Variants in INTS10 observed in about 807,000 individuals in gnomAD.
INTS10 encodes integrator complex subunit 10.
INTS10 carries 44 observed loss-of-function variants against 94.4 expected under a neutral mutation model. The observed-to-expected ratio is 0.47, with a 90% CI of 0.37 to 0.60. The LOEUF is 0.60. INTS10 is among the 20% of genes least tolerant of loss of function. The probability of loss-of-function intolerance (pLI) is 0.00; values close to 1 mark genes in which losing one functional copy is unlikely to be tolerated. For synonymous variants in INTS10, 341 were observed against 320.7 expected (o/e 1.06, Z -0.68); for missense variants, 797 against 868.7 (o/e 0.92, Z 1.04).
intron 12 of INTS10, 67 bp downstream of exon 12, chr8:19,833,388 A>C: frequency 7.8e-7 from 1 of 1,275,338 alleles, no homozygotes; most frequent in Non-Finnish European, 1.0e-6. Flanking sequence ...TCCTTTCCCT[A>C]GCGTGGCTTT....
intron 13 of INTS10, among the ~76,000 whole-genome samples, chr8:19,842,646 T>C (rs2128803626): frequency 6.6e-6 from 1 of 152,354 alleles, no homozygotes; most frequent in Non-Finnish European, 1.5e-5. Context: ...GAAAGAATAT[T>C]GATAAATGAA....
At chr8:19,829,866 C>A (rs1018954382) in intron 9 of INTS10, among the ~76,000 whole-genome samples, 1 of 152,060 alleles carries the variant, frequency 6.6e-6, no homozygotes, top group South Asian at 2.1e-4. Flanking sequence ...CTGGGTTTCG[C>A]CATGTTGGCC....
At chr8:19,836,585 C>G (rs1472664761) in intron 12 of INTS10, among the ~76,000 whole-genome samples, 1 of 152,190 alleles carries the variant, frequency 6.6e-6, no homozygotes, top group Non-Finnish European at 1.5e-5. Flanking sequence ...GTCAAGATAA[C>G]CTTCCTGCCT....
rs2068597023 is a variant in INTS10 at position 19,846,449 on chromosome 8, C to CA, written c.1976+655dup. The stretch of plus-strand genomic sequence containing the variant: ...ACTCCATCTCAAAAAAAAAAACAAA[C>CA]AAACAAAACAGCTGTGCTTAATTAA... On this transcript the variant is annotated intron_variant, in intron 16 of 16. Coordinates refer to ENST00000397977, the MANE Select transcript of INTS10 (RefSeq NM_018142.4). The surrounding 1 kb of genome is among the most constrained non-coding windows in gnomAD (Gnocchi z 4.2). Among the ~76,000 whole-genome samples, 1 of 150,592 alleles carries CA rather than the reference C, an allele frequency of 6.6e-6. No individual in the cohort carries two copies. Among genetic ancestry groups the CA allele is most frequent in the African/African-American group, 2.5e-5 (1 of 40,656 alleles).
chr8:19,841,704 A>G (rs915313858), intron 13 of INTS10: 3 of 414,176 alleles, frequency 7.2e-6, no homozygotes, highest in African/African-American at 2.1e-5. Flanking sequence ...TCATGCAACC[A>G]TTCTGGAAAC....
chr8:19,847,469 T>G (rs1296232428), intron 16 of INTS10, among the ~76,000 whole-genome samples: 1 of 152,204 alleles, frequency 6.6e-6, no homozygotes, highest in Non-Finnish European at 1.5e-5. Flanking sequence ...TTTTCTAGAC[T>G]TTGAAACTGG....
chr8:19,819,877 G>C (rs1464260264), intron 3 of INTS10, among the ~76,000 whole-genome samples: 3 of 152,224 alleles, frequency 2.0e-5, no homozygotes, highest in Non-Finnish European at 2.9e-5. Context: ...GGATTTATCA[G>C]TGAGACGAGG....
intron 11 of INTS10, among the ~76,000 whole-genome samples, chr8:19,832,920 C>T (rs886579203): frequency 2.0e-5 from 3 of 152,236 alleles, no homozygotes; most frequent in South Asian, 4.2e-4. Flanking sequence ...TCTTTAGTCT[C>T]GAGACCTAAG....
chr8:19,828,739 T>C (rs889511131), intron 9 of INTS10, among the ~76,000 whole-genome samples: 23 of 146,500 alleles, frequency 1.6e-4, no homozygotes, highest in South Asian at 8.7e-4. Flanking sequence ...TTTTTTTTGG[T>C]GGAGACAAGG....
chr8:19,845,992 G>A, intron 16 of INTS10, 195 bp downstream of exon 16: 1 of 465,616 alleles, frequency 2.1e-6, no homozygotes, highest in Non-Finnish European at 3.9e-6. Context: ...AAAACACTTT[G>A]CTTAAATTGG....
intron 12 of INTS10, among the ~76,000 whole-genome samples, chr8:19,835,728 T>A (rs1332884857): frequency 6.6e-6 from 1 of 152,194 alleles, no homozygotes; most frequent in Non-Finnish European, 1.5e-5. Flanking sequence ...AAACTAGAGC[T>A]TCACAACCCT....
intron 1 of INTS10, 112 bp from the exon 2 acceptor site, chr8:19,818,163 A>G: frequency 1.0e-6 from 1 of 997,790 alleles, no homozygotes; most frequent in Non-Finnish European, 1.6e-6. Flanking sequence ...CACCAGGCGG[A>G]GCTTCACTCT....
Position 19,817,657 on chromosome 8 carries a change from T to C in INTS10, c.120T>C (p.Phe40=). The C allele has an allele frequency of 1.2e-6, 2 of 1,607,032 alleles. No individual in the cohort carries two copies. Among genetic ancestry groups the C allele is most frequent in the Non-Finnish European group, 1.7e-6 (2 of 1,177,480 alleles). Residue 40 remains phenylalanine, a synonymous_variant, in exon 1 of 17, where the codon TTT becomes TTC. Coordinates refer to ENST00000397977, the MANE Select transcript of INTS10 (RefSeq NM_018142.4). ...CCCGCAGCCTCTACCCGGCAGACTT[T>C]AACATCCAGGTGAGGTCCCGGCTGT... The part of the protein sequence containing the change: ...ITARSLYPAD[F]NIQYEMYTIE...
rs1209989141 is a variant in INTS10 at position 19,820,448 on chromosome 8, A to G, written c.371A>G (p.Asn124Ser). 3.1e-6 allele frequency: 5 copies of G among 1,613,512 alleles called. No homozygotes were observed. The highest frequency in any genetic ancestry group is 1.3e-5 in the African/African-American group (1 of 74,934). Residue 124 changes from asparagine (N) to serine (S), a missense_variant, in exon 4 of 17, where the codon AAC becomes AGC. This residue lies in a region of INTS10 where 734 missense variants were observed against 787.8 expected (regional missense o/e 0.93). Transcript: ENST00000397977. ...MLLKVTEQCF[N>S]TLERSEMLLL... The stretch of plus-strand genomic sequence containing the variant: ...CTAAAGGTCACGGAACAATGCTTCA[A>G]CACGTTAGAACGATCAGAAATGTTG...
chr8:19,829,460 C>T (rs750328082), intron 9 of INTS10, among the ~76,000 whole-genome samples: 2 of 151,492 alleles, frequency 1.3e-5, no homozygotes, highest in Non-Finnish European at 2.9e-5. Flanking sequence ...CTTTATATTA[C>T]TTGAGATGAA....
Position 19,820,423 on chromosome 8 carries a change from C to G in INTS10, c.346C>G (p.Leu116Val). The G allele has an allele frequency of 3.1e-6, 5 of 1,613,390 alleles. No homozygotes were observed. Among genetic ancestry groups the G allele is most frequent in the Non-Finnish European group, 4.2e-6 (5 of 1,179,386 alleles). ...LPGRVQCEML[L>V]KVTEQCFNTL... ...TGGTCGGGTCCAGTGTGAAATGTTA[C>G]TAAAGGTCACGGAACAATGCTTCAA... is the stretch of plus-strand genomic sequence containing the variant. The change falls in exon 4 of 17, where the codon CTA (leucine) becomes GTA (valine). Residue 116 changes from leucine (L) to valine (V), a missense_variant. Transcript: ENST00000397977.
intron 7 of INTS10, 78 bp from the exon 8 acceptor site, chr8:19,824,725 C>T: frequency 1.1e-6 from 1 of 935,082 alleles, no homozygotes; most frequent in African/African-American, 1.7e-5. Flanking sequence ...TGTAATGGTA[C>T]CACCAGAGCT....
chr8:19,823,549 G>A (rs559155154), intron 6 of INTS10, 108 bp downstream of exon 6: 43 of 816,474 alleles, frequency 5.3e-5, no homozygotes, highest in Non-Finnish European at 7.8e-5. Context: ...TTACCAGTTT[G>A]GGAGTGTTTC....
intron 16 of INTS10, among the ~76,000 whole-genome samples, chr8:19,847,349 A>G (rs1357448907): frequency 6.6e-6 from 1 of 152,226 alleles, no homozygotes; most frequent in East Asian, 1.9e-4. Flanking sequence ...TCGTGAATCG[A>G]AACTTTGGGA....
Sources: allele counts gnomAD v4.1 joint callset (sites outside exome capture counted in the v4.1 genomes callset), GRCh38; gene constraint gnomAD v4.1.1; regional missense constraint gnomAD v4.1.1; non-coding constraint Gnocchi (gnomAD v3.1); transcripts MANE v1.5; gene names NCBI Gene and HGNC (gene_info 2026-07-23, HGNC 2026-07-21).